ORC5: variants seen among roughly 807,000 people sequenced by gnomAD.
ORC5 encodes origin recognition complex subunit 5.
Under a neutral mutation model 58.8 loss-of-function variants are expected in ORC5, and 39 were observed. That is an observed-to-expected ratio of 0.66 (90% confidence interval 0.51 to 0.87). The LOEUF (loss-of-function observed/expected upper bound fraction) is 0.87, where lower values mean the gene tolerates loss of function less well. Ranked by LOEUF, ORC5 falls within the 40% of genes least tolerant of loss-of-function variation. ORC5 has a pLI of 0.00. For missense variants in ORC5, 493 were observed against 506.3 expected, an observed-to-expected ratio of 0.97 and a Z score of 0.25; for synonymous variants, 218 against 177.6, an observed-to-expected ratio of 1.23 and a Z score of -1.81.
chr7:104,158,278 G>C (rs1798961944), intron 12 of ORC5, among the ~76,000 whole-genome samples: 1 of 152,092 alleles, frequency 6.6e-6, no homozygotes, highest in South Asian at 2.1e-4. Flanking sequence ...GCCATATGTA[G>C]AAAGCTGAAA....
chr7:104,178,188 C>G (rs755570296), intron 8 of ORC5, among the ~76,000 whole-genome samples: 1 of 152,208 alleles, frequency 6.6e-6, no homozygotes, highest in Non-Finnish European at 1.5e-5. Context: ...CTCCCACCAA[C>G]AGTGTAAAAG....
chr7:104,185,742 T>A (rs948479538), intron 6 of ORC5, among the ~76,000 whole-genome samples: 1 of 152,114 alleles, frequency 6.6e-6, no homozygotes, highest in Admixed American at 6.6e-5. Flanking sequence ...GGAATTCTAC[T>A]GAACAGCAGT....
chr7:104,170,911 T>C (rs1408715170), intron 8 of ORC5, among the ~76,000 whole-genome samples: 1 of 152,182 alleles, frequency 6.6e-6, no homozygotes, highest in Non-Finnish European at 1.5e-5. Context: ...TTTTTACCTC[T>C]TTTTTTAGTT....
rs1400136110 is a variant in ORC5 at position 104,138,506 on chromosome 7, TTTTC to T, written c.1150-1617_1150-1614del. 1.3e-5 allele frequency among the ~76,000 whole-genome samples: 2 copies of T among 152,020 alleles called. No individual in the cohort carries two copies. The highest frequency in any genetic ancestry group is 2.1e-4 in the South Asian group (1 of 4,828). The stretch of plus-strand genomic sequence containing the variant: ...CTTGGTTTAAAACTTTCTTTCCTTC[TTTTC>T]TTTCTTTTTTTTTTTCTGAGGCAGG... On this transcript the variant is annotated intron_variant, in intron 12 of 13. Transcript: ENST00000297431. The surrounding 1 kb of genome is among the most constrained non-coding windows in gnomAD (Gnocchi z 4.7).
rs765711278 is a variant in ORC5, at chr7:104,165,306, T to G, written c.991-24A>C. ...TGCTGCAATTAAGGAAAACAAATTT[T>G]AAGTTGAAAAGACAGTATTCCACAA... is the stretch of plus-strand genomic sequence containing the variant. On this transcript the variant is annotated intron_variant, in intron 10 of 13. Coordinates refer to ENST00000297431, the MANE Select transcript of ORC5 (RefSeq NM_002553.4). 3.5e-6 allele frequency: 5 copies of G among 1,422,928 alleles called. No homozygotes were observed. The South Asian group carries it at 6.1e-5, about 17-fold the overall frequency. 88.1% of individuals were successfully genotyped at this position (1,422,928 alleles called of 1,614,324 possible).
intron 2 of ORC5, among the ~76,000 whole-genome samples, chr7:104,203,271 G>T (rs1173854380): frequency 6.6e-6 from 1 of 152,174 alleles, no homozygotes; most frequent in Non-Finnish European, 1.5e-5. Flanking sequence ...CTAGCCACCT[G>T]TTTTTGTACA....
chr7:104,139,420 G>C (rs1798638642), intron 12 of ORC5, among the ~76,000 whole-genome samples: 2 of 152,006 alleles, frequency 1.3e-5, no homozygotes, highest in Admixed American at 1.3e-4. Context: ...GGCTTAGCAA[G>C]AATTCAAGAA....
intron 3 of ORC5, 99 bp downstream of exon 3, chr7:104,200,659 A>C: frequency 1.4e-6 from 1 of 726,956 alleles, no homozygotes; most frequent in Non-Finnish European, 2.3e-6. Context: ...GGCACAGAGC[A>C]CTGTACATAA....
In ORC5 at chr7:104,136,712, A is replaced by C. The variant is rs1316261600; in HGVS notation, c.1262+69T>G. On this transcript the variant is annotated intron_variant, in intron 13 of 13. Transcript: ENST00000297431. This position sits in a 1 kb window ranked among gnomAD's most constrained non-coding sequence, Gnocchi z 4.2. The stretch of plus-strand genomic sequence containing the variant: ...TTTTCATGTTTAAATGTCATGACTA[A>C]TGACATCACATTTGGAAAACACTAA... 5.2e-6 allele frequency: 5 copies of C among 968,788 alleles called. No individual in the cohort carries two copies. The African/African-American group carries it at 6.5e-5, about 13-fold the overall frequency. The allele number at this position is 968,788 out of a possible 1,614,324, so 60.0% of individuals were successfully genotyped here.
intron 10 of ORC5, 187 bp from the exon 11 acceptor site, chr7:104,165,469 CTTGGA>C: frequency 2.4e-6 from 1 of 424,548 alleles, no homozygotes; most frequent in Non-Finnish European, 4.2e-6. Context: ...TTCGTTTAGA[CTTGGA>C]TTGGATATAA....
At chr7:104,179,070 G>T (rs1241068978) in intron 8 of ORC5, among the ~76,000 whole-genome samples, 1 of 150,784 alleles carries the variant, frequency 6.6e-6, no homozygotes, top group African/African-American at 2.4e-5. Context: ...AGGGTATAAA[G>T]ATGTATTTTT....
intron 9 of ORC5, chr7:104,167,919 G>A (rs1799134772): frequency 6.6e-6 from 1 of 151,946 alleles, no homozygotes; most frequent in Admixed American, 6.6e-5. Flanking sequence ...ACACAAAACA[G>A]CACTATTTCA....
chr7:104,162,303 G>C lies in ORC5; in HGVS notation c.1039-1121C>G, dbSNP rs968044735. Among the ~76,000 whole-genome samples the C allele has an allele frequency of 2.0e-5, 3 of 152,168 alleles. No individual in the cohort carries two copies. In the East Asian group the frequency reaches 5.8e-4, roughly 29 times the overall value. On this transcript the variant is annotated intron_variant, in intron 11 of 13. Coordinates refer to ENST00000297431, the MANE Select transcript of ORC5 (RefSeq NM_002553.4). The stretch of plus-strand genomic sequence containing the variant: ...TTCTCGTATCTCAGCCACCCAAGTA[G>C]CTGGGATTACAGGCATGCACTGCCA...
At chr7:104,143,148 CTTAG>C (rs1337811017) in intron 12 of ORC5, among the ~76,000 whole-genome samples, 2 of 150,492 alleles carry the variant, frequency 1.3e-5, no homozygotes, top group African/African-American at 5.0e-5. Context: ...GGCAGTTCCC[CTTAG>C]TACTTTTTTT....
At chr7:104,135,064 A>G (rs1562802233) in intron 13 of ORC5, among the ~76,000 whole-genome samples, 2 of 152,168 alleles carry the variant, frequency 1.3e-5, no homozygotes, top group Admixed American at 6.5e-5. Context: ...CATCACTGTG[A>G]TGCTCTGCAC....
intron 5 of ORC5, among the ~76,000 whole-genome samples, chr7:104,194,476 A>G (rs1424604254): frequency 6.6e-6 from 1 of 152,146 alleles, no homozygotes; most frequent in Non-Finnish European, 1.5e-5. Flanking sequence ...AAAGCTATTC[A>G]GCAACACAAA....
chr7:104,150,000 G>A (rs578164341), intron 12 of ORC5, among the ~76,000 whole-genome samples: 7 of 152,144 alleles, frequency 4.6e-5, no homozygotes, highest in African/African-American at 1.4e-4. Context: ...TCTGTGTAGG[G>A]GATGAGCTGA....
At chr7:104,137,770 C>T (rs1339931231) in intron 12 of ORC5, among the ~76,000 whole-genome samples, 1 of 152,170 alleles carries the variant, frequency 6.6e-6, no homozygotes, top group Non-Finnish European at 1.5e-5. Flanking sequence ...CCACTCCATC[C>T]TCCTTCGGGC....
At chr7:104,154,098 C>G (rs896229556) in intron 12 of ORC5, among the ~76,000 whole-genome samples, 2 of 151,856 alleles carry the variant, frequency 1.3e-5, no homozygotes, top group Non-Finnish European at 2.9e-5. Flanking sequence ...TGAAGTATTT[C>G]AAATATAGCC....
Sources: gnomAD v4.1 joint callset for allele counts (sites outside exome capture counted in the v4.1 genomes callset) on GRCh38, gnomAD v4.1.1 for gene constraint, Gnocchi (gnomAD v3.1) non-coding constraint, MANE v1.5 for transcripts, NCBI Gene and HGNC (gene_info 2026-07-23, HGNC 2026-07-21) for gene names.